The following DPYSL3 variants were observed in gnomAD, a reference collection of about 807,000 sequenced individuals.
DPYSL3 encodes dihydropyrimidinase like 3.
In DPYSL3, 16 loss-of-function variants were observed where a neutral mutation model predicts 66.1. The observed-to-expected ratio is 0.24, with a 90% CI of 0.16 to 0.37. The LOEUF is 0.37. Ranked by LOEUF, DPYSL3 falls within the 10% of genes least tolerant of loss-of-function variation. DPYSL3 has a pLI of 1.00. For synonymous variants in DPYSL3, 338 were observed against 345.1 expected (o/e 0.98, Z 0.23); for missense variants, 738 against 916.2 (o/e 0.81, Z 2.51).
At chr5:147,398,247 G>C (rs970716573) in intron 11 of DPYSL3, among the ~76,000 whole-genome samples, 3 of 152,078 alleles carry the variant, frequency 2.0e-5, no homozygotes, top group Non-Finnish European at 1.5e-5. Flanking sequence ...TTAAGCAAAG[G>C]CCATTGCCAC....
At position 147,397,683 on chromosome 5, in the gene DPYSL3, T is replaced by C. The variant is rs965952237; in HGVS notation, c.1786A>G (p.Ile596Val). 6.2e-6 allele frequency: 10 copies of C among 1,613,860 alleles called. No homozygotes were observed. The highest frequency in any genetic ancestry group is 2.2e-5 in the East Asian group (1 of 44,884). Reference sequence around the variant, plus strand: ...CTTTTTACCTTCCTCCGTGCTTTAATGCGCTTGTAGACATAGTCGGAGAAC... The same window carrying C: ...CTTTTTACCTTCCTCCGTGCTTTAACGCGCTTGTAGACATAGTCGGAGAAC... The part of the protein sequence containing the change: ...SPFSDYVYKR[I>V]KARRKMADLH... Residue 596 changes from isoleucine (I) to valine (V), a missense_variant, in exon 12 of 14, where the codon ATT becomes GTT. Ile to Val is a conservative substitution (Grantham distance 29). Transcript: ENST00000343218.
chr5:147,424,837 A>C, intron 2 of DPYSL3, 38 bp downstream of exon 2: 1 of 1,429,770 alleles, frequency 7.0e-7, no homozygotes, highest in Non-Finnish European at 9.7e-7. Context: ...TGAAGGAGGA[A>C]GTGCAAAACA....
At chr5:147,496,510 G>T (rs1051570903) in intron 1 of DPYSL3, among the ~76,000 whole-genome samples, 1 of 151,494 alleles carries the variant, frequency 6.6e-6, no homozygotes, top group African/African-American at 2.4e-5. Flanking sequence ...TCTGACAAAG[G>T]GCTAATATCC....
chr5:147,493,532 C>G (rs1414137519), intron 1 of DPYSL3, among the ~76,000 whole-genome samples: 1 of 151,702 alleles, frequency 6.6e-6, no homozygotes, highest in Non-Finnish European at 1.5e-5. Flanking sequence ...CATGATCATG[C>G]TACTGCACTC....
intron 2 of DPYSL3, among the ~76,000 whole-genome samples, chr5:147,424,171 G>A (rs1366922829): frequency 2.0e-5 from 3 of 152,138 alleles, no homozygotes; most frequent in African/African-American, 7.2e-5. Flanking sequence ...TCTTTAACTA[G>A]TCAATGAAGT....
chr5:147,480,862 A>G lies in DPYSL3; in HGVS notation c.381+28616T>C, dbSNP rs188175101. Among the ~76,000 whole-genome samples, 564 of 151,866 alleles carry G rather than the reference A, an allele frequency of 3.7e-3. 2 individuals are homozygous for G. Among genetic ancestry groups the G allele is most frequent in the Non-Finnish European group, 5.7e-3 (384 of 67,940 alleles). The stretch of plus-strand genomic sequence containing the variant: ...CTTAGACTCCTGAGTAGCTGGGATT[A>G]CAGGCATGTGCCACTACGCCCGGCT... On this transcript the variant is annotated intron_variant, in intron 1 of 13. Coordinates refer to ENST00000343218, the MANE Select transcript of DPYSL3 (RefSeq NM_001197294.2).
chr5:147,501,845 T>C (rs1753616957), intron 1 of DPYSL3, among the ~76,000 whole-genome samples: 1 of 152,118 alleles, frequency 6.6e-6, no homozygotes, highest in African/African-American at 2.4e-5. Context: ...GTGTTGCCAG[T>C]GAAGGAGGCT....
chr5:147,505,000 T>C (rs1753663893), intron 1 of DPYSL3, among the ~76,000 whole-genome samples: 1 of 152,202 alleles, frequency 6.6e-6, no homozygotes, highest in South Asian at 2.1e-4. Context: ...TGATGAAAAA[T>C]AAATACTTTT....
chr5:147,443,430 T>G (rs993911178), intron 1 of DPYSL3, among the ~76,000 whole-genome samples: 6 of 151,860 alleles, frequency 4.0e-5, no homozygotes, highest in Admixed American at 1.3e-4. Flanking sequence ...AGTTGAACAT[T>G]GAGAACACAT....
At chr5:147,443,063 T>C (rs75914655) in intron 1 of DPYSL3, among the ~76,000 whole-genome samples, 2,173 of 152,364 alleles carry the variant, frequency 0.014, 60 homozygotes, top group African/African-American at 0.049. Context: ...ATTAGGTGGG[T>C]ACCACTTGGG....
chr5:147,403,069 A>T (rs969488086), intron 8 of DPYSL3, among the ~76,000 whole-genome samples: 6 of 152,226 alleles, frequency 3.9e-5, no homozygotes, highest in Non-Finnish European at 8.8e-5. Context: ...AACTGGTAAT[A>T]GTTGCCTAGA....
intron 2 of DPYSL3, among the ~76,000 whole-genome samples, chr5:147,420,720 T>C (rs1477742291): frequency 6.6e-6 from 1 of 152,230 alleles, no homozygotes; most frequent in Non-Finnish European, 1.5e-5. Flanking sequence ...TGAATTATGA[T>C]CATTTAACTC....
chr5:147,417,202 A>T (rs1202357305), intron 3 of DPYSL3, among the ~76,000 whole-genome samples: 2 of 152,200 alleles, frequency 1.3e-5, no homozygotes, highest in Non-Finnish European at 2.9e-5. Context: ...AATCTCAAGG[A>T]TGCCAAACAG....
intron 5 of DPYSL3, 143 bp downstream of exon 5, chr5:147,413,453 G>A: frequency 3.1e-6 from 2 of 646,728 alleles, no homozygotes; most frequent in South Asian, 4.0e-5. Flanking sequence ...AATGTAGCGT[G>A]GACTGCAAAG....
intron 11 of DPYSL3, among the ~76,000 whole-genome samples, chr5:147,398,729 A>C (rs1758072501): frequency 6.6e-6 from 1 of 152,246 alleles, no homozygotes; most frequent in East Asian, 1.9e-4. Flanking sequence ...ACTGGCTAAG[A>C]CCAGTGCCAT....
Position 147,424,574 on chromosome 5 carries a change from A to T in DPYSL3, c.470+301T>A, listed in dbSNP as rs755730830. On this transcript the variant is annotated intron_variant, in intron 2 of 13. Transcript: ENST00000343218. ...AATTTCTTCTTCTTTGTACTTCTAA[A>T]TCACTTATCCCGACTTCAACTCCTT... Among the ~76,000 whole-genome samples the T allele has an allele frequency of 2.5e-4, 38 of 152,182 alleles. 1 individual carries two copies. Among genetic ancestry groups the T allele is most frequent in the Non-Finnish European group, 5.0e-4 (34 of 68,032 alleles).
intron 1 of DPYSL3, among the ~76,000 whole-genome samples, chr5:147,506,036 G>A (rs984431105): frequency 1.4e-4 from 20 of 147,246 alleles, no homozygotes; most frequent in African/African-American, 2.5e-4. Flanking sequence ...TTTCCTTATC[G>A]GTTATAACCA....
At chr5:147,399,426 G>A (rs927820255) in intron 10 of DPYSL3, among the ~76,000 whole-genome samples, 174 bp from the exon 11 acceptor site, 6 of 152,188 alleles carry the variant, frequency 3.9e-5, no homozygotes, top group African/African-American at 7.2e-5. Context: ...CTGGGCTGTC[G>A]TGACTACTCA....
In DPYSL3 at chr5:147,393,221, C is replaced by G. The variant is rs555468068; in HGVS notation, c.*814G>C. On this transcript the variant is annotated 3_prime_UTR_variant, in exon 14 of 14. Transcript: ENST00000343218. ...TCTCAGCTGCTGGCTTTTAAGAGCA[C>G]CAAAGAGGCAGGGAGGGCAAGAGGA... 6.6e-6 allele frequency: 1 copy of G among 152,326 alleles called. No homozygotes were observed. Among genetic ancestry groups the G allele is most frequent in the African/African-American group, 2.4e-5 (1 of 41,534 alleles). The allele number at this position is 152,326 out of a possible 1,614,324, so 9.4% of individuals were successfully genotyped here.
Sources: allele counts gnomAD v4.1 joint callset (sites outside exome capture counted in the v4.1 genomes callset), GRCh38; gene constraint gnomAD v4.1.1; transcripts MANE v1.5; gene names NCBI Gene and HGNC (gene_info 2026-07-23, HGNC 2026-07-21).